Variants in CEP85L observed in about 807,000 individuals in gnomAD.
The protein encoded by CEP85L is centrosomal protein 85L.
In CEP85L, 60 loss-of-function variants were observed where a neutral mutation model predicts 100.3. That is an observed-to-expected ratio of 0.60 (90% CI 0.49 to 0.74). CEP85L has a LOEUF of 0.74. Among genes scored for constraint, CEP85L ranks in the 30% least tolerant of loss-of-function variants. The pLI is 0.00. For synonymous variants in CEP85L, 319 were observed against 322.7 expected (o/e 0.99, Z 0.12); for missense variants, 973 against 936.2 (o/e 1.04, Z -0.51).
intron 1 of CEP85L, among the ~76,000 whole-genome samples, chr6:118,696,553 C>A (rs1377027402): frequency 6.6e-6 from 1 of 152,178 alleles, no homozygotes; most frequent in African/African-American, 2.4e-5. Flanking sequence ...ACTCTGCATC[C>A]AAGTTGCTGT....
chr6:118,651,160 AC>A, intron 1 of CEP85L, 36 bp downstream of exon 1: 5 of 1,479,442 alleles, frequency 3.4e-6, no homozygotes, highest in Admixed American at 4.6e-5. Flanking sequence ...GTCGGCCGTG[AC>A]CCCCACCCCA....
At chr6:118,485,560 C>T (rs1355740673) in intron 6 of CEP85L, among the ~76,000 whole-genome samples, 1 of 152,168 alleles carries the variant, frequency 6.6e-6, no homozygotes, top group Non-Finnish European at 1.5e-5. Flanking sequence ...TGACAGTTTA[C>T]CCTGTGATCT....
At chr6:118,571,826 T>G (rs1294536020) in intron 2 of CEP85L, among the ~76,000 whole-genome samples, 3 of 152,106 alleles carry the variant, frequency 2.0e-5, no homozygotes, top group African/African-American at 7.2e-5. Context: ...TAAATAAAAT[T>G]GTTAACCCTA....
intron 10 of CEP85L, among the ~76,000 whole-genome samples, chr6:118,473,303 A>C (rs1036543099): frequency 6.6e-6 from 1 of 152,010 alleles, no homozygotes; most frequent in Admixed American, 6.6e-5. Context: ...GCTGTGGAGA[A>C]CAGAGCACAG....
At chr6:118,674,437 T>C (rs928369802) in intron 1 of CEP85L, among the ~76,000 whole-genome samples, 2 of 151,896 alleles carry the variant, frequency 1.3e-5, no homozygotes, top group African/African-American at 2.4e-5. Context: ...AGCAGGAGAA[T>C]TGCTTGAACC....
intron 6 of CEP85L, among the ~76,000 whole-genome samples, chr6:118,484,109 A>G (rs1452645542): frequency 6.6e-6 from 1 of 152,192 alleles, no homozygotes; most frequent in Admixed American, 6.5e-5. Context: ...CAGGAGCTTG[A>G]GACCAGCCTG....
At chr6:118,681,387 A>G (rs1165765694) in intron 1 of CEP85L, among the ~76,000 whole-genome samples, 3 of 152,146 alleles carry the variant, frequency 2.0e-5, no homozygotes, top group African/African-American at 7.2e-5. Flanking sequence ...AGAGAGAGAG[A>G]TGTAATTATC....
At chr6:118,609,983 T>C (rs1237303371) in intron 2 of CEP85L, among the ~76,000 whole-genome samples, 1 of 151,556 alleles carries the variant, frequency 6.6e-6, no homozygotes, top group African/African-American at 2.4e-5. Flanking sequence ...GGGAAAAAAA[T>C]TGAGAAGAGA....
intron 2 of CEP85L, among the ~76,000 whole-genome samples, chr6:118,592,234 G>C (rs1781228788): frequency 6.6e-6 from 1 of 151,186 alleles, no homozygotes; most frequent in Non-Finnish European, 1.5e-5. Context: ...AATGGTTAAA[G>C]AACAGGGCTT....
intron 2 of CEP85L, among the ~76,000 whole-genome samples, chr6:118,569,955 A>G (rs1779787350): frequency 6.6e-6 from 1 of 152,204 alleles, no homozygotes; most frequent in African/African-American, 2.4e-5. Context: ...CAAATATACT[A>G]CAGTAATGGG....
At chr6:118,618,721 C>A (rs558797922) in intron 2 of CEP85L, among the ~76,000 whole-genome samples, 1 of 152,138 alleles carries the variant, frequency 6.6e-6, no homozygotes, top group Non-Finnish European at 1.5e-5. Flanking sequence ...TAGAGTGCAG[C>A]AGTTGTTCTC....
intron 10 of CEP85L, among the ~76,000 whole-genome samples, chr6:118,478,947 G>A (rs1392399453): frequency 3.3e-5 from 5 of 152,118 alleles, no homozygotes; most frequent in Non-Finnish European, 7.4e-5. Flanking sequence ...CAAAGTTCAA[G>A]TGTCGATTAT....
intron 1 of CEP85L, among the ~76,000 whole-genome samples, chr6:118,681,329 A>G (rs921906483): frequency 2.0e-5 from 3 of 152,204 alleles, no homozygotes; most frequent in Non-Finnish European, 4.4e-5. Context: ...GCTCATATAT[A>G]GAATCATAAG....
chr6:118,679,139 T>A (rs777233918), intron 1 of CEP85L, among the ~76,000 whole-genome samples: 11 of 152,204 alleles, frequency 7.2e-5, no homozygotes, highest in Non-Finnish European at 1.6e-4. Context: ...TGGAAAACTT[T>A]CCCCAGGCAC....
chr6:118,665,275 A>G (rs999396011), intron 1 of CEP85L, among the ~76,000 whole-genome samples: 13 of 152,220 alleles, frequency 8.5e-5, no homozygotes, highest in African/African-American at 3.1e-4. Flanking sequence ...ACATGAATCA[A>G]CAAGATGATA....
chr6:118,494,947 T>A (rs1489798127), intron 5 of CEP85L, among the ~76,000 whole-genome samples: 1 of 151,950 alleles, frequency 6.6e-6, no homozygotes, highest in Non-Finnish European at 1.5e-5. Flanking sequence ...AACATACAGA[T>A]AACGTAAGTG....
chr6:118,566,079 G>A lies in CEP85L; in HGVS notation c.470C>T (p.Ser157Leu). The change falls in exon 3 of 13, where the codon TCA (serine) becomes TTA (leucine). Residue 157 changes from serine (S) to leucine (L), a missense_variant. Coordinates refer to ENST00000368491, the MANE Select transcript of CEP85L (RefSeq NM_001042475.3). ...CGGGGCAGTGAGTTTGGATAAAGAT[G>A]ACCATTTCCGAAGTGGCCGGAAGTC... ...MKDFRPLRKW[S>L]SLSKLTAPDN... The A allele has an allele frequency of 1.2e-6, 2 of 1,614,176 alleles. No individual in the cohort carries two copies. The highest frequency in any genetic ancestry group is 1.7e-6 in the Non-Finnish European group (2 of 1,180,038).
intron 2 of CEP85L, among the ~76,000 whole-genome samples, chr6:118,574,972 G>T (rs1320433665): frequency 6.6e-6 from 1 of 152,104 alleles, no homozygotes; most frequent in Non-Finnish European, 1.5e-5. Context: ...CCTCCAGTTG[G>T]TTGGGGGGCG....
chr6:118,686,078 G>A (rs749283471), intron 1 of CEP85L, among the ~76,000 whole-genome samples: 1 of 152,198 alleles, frequency 6.6e-6, no homozygotes, highest in Non-Finnish European at 1.5e-5. Context: ...GCGCAGCCTG[G>A]TGCTCTCTTG....
Sources: allele counts gnomAD v4.1 joint callset (sites outside exome capture counted in the v4.1 genomes callset), GRCh38; gene constraint gnomAD v4.1.1; transcripts MANE v1.5; gene names NCBI Gene and HGNC (gene_info 2026-07-23, HGNC 2026-07-21).